USP33: variants seen among roughly 807,000 people sequenced by gnomAD.
The protein encoded by USP33 is ubiquitin carboxyl-terminal hydrolase 33.
A neutral mutation model predicts 124.2 loss-of-function variants in USP33; 46 were observed. That is an observed-to-expected ratio of 0.37 (90% CI 0.29 to 0.47). The LOEUF is 0.47. USP33 is among the 20% of genes least tolerant of loss of function. The pLI, the probability that USP33 is intolerant of heterozygous loss-of-function variation, is 0.99. For synonymous variants in USP33, 350 were observed against 352.3 expected, an observed-to-expected ratio of 0.99 and a Z score of 0.07; for missense variants, 851 against 1,070.6, an observed-to-expected ratio of 0.79 and a Z score of 2.86.
intron 1 of USP33, among the ~76,000 whole-genome samples, chr1:77,743,530 A>G (rs746135285): frequency 3.4e-4 from 52 of 152,192 alleles, no homozygotes; most frequent in Non-Finnish European, 6.2e-4. Context: ...ACTGGAGTAC[A>G]ATGGGGCAAA....
Position 77,729,947 on chromosome 1 carries a change from G to A in USP33, c.639-9C>T, listed in dbSNP as rs375890606. On this transcript the variant is annotated splice_polypyrimidine_tract_variant and intron_variant, in intron 8 of 23. Transcript: ENST00000370794. ...GCACAACAGATCCTGGCCTGAGCAA[G>A]AAAACATTTTTAAAGAGCAATTTTT... 40 of 1,589,512 alleles carry A rather than the reference G, an allele frequency of 2.5e-5. No individual in the cohort carries two copies. In the Admixed American group the frequency reaches 3.3e-4, roughly 13 times the overall value.
intron 1 of USP33, among the ~76,000 whole-genome samples, chr1:77,750,908 T>G (rs1179396146): frequency 3.3e-5 from 5 of 152,184 alleles, no homozygotes; most frequent in Non-Finnish European, 7.4e-5. Flanking sequence ...GGTAAGACAA[T>G]GGGAGTTCTT....
chr1:77,715,783 T>A lies in USP33; in HGVS notation c.2004A>T (p.Glu668Asp). Residue 668 changes from glutamate (E) to aspartate (D), a missense_variant, in exon 18 of 24, where the codon GAA (glutamate) becomes GAT (aspartate). By Grantham distance (45) the Glu-to-Asp change is conservative. Coordinates refer to ENST00000370794, the MANE Select transcript of USP33 (RefSeq NM_201624.3). ...AAGCTTCTGCATTTTGTACAGTAGA[T>A]TCTGAAACTTCAGTGACACTCTGAT... ...FDDQSVTEVS[E>D]STVQNAEAYV... 1.2e-6 allele frequency: 2 copies of A among 1,614,074 alleles called. No homozygotes were observed. The highest frequency in any genetic ancestry group is 1.7e-6 in the Non-Finnish European group (2 of 1,179,990).
intron 1 of USP33, among the ~76,000 whole-genome samples, chr1:77,754,570 A>C (rs898725334): frequency 6.6e-6 from 1 of 152,244 alleles, no homozygotes; most frequent in Non-Finnish European, 1.5e-5. Flanking sequence ...TGAGAATAAA[A>C]TCATTCAAAC....
chr1:77,733,713 T>A (rs1490243879), intron 7 of USP33, among the ~76,000 whole-genome samples: 1 of 152,180 alleles, frequency 6.6e-6, no homozygotes, highest in African/African-American at 2.4e-5. Flanking sequence ...CCAGTAAGCA[T>A]AATGCAAATA....
At chr1:77,758,824 G>C (rs1465386589) in intron 1 of USP33, among the ~76,000 whole-genome samples, 1 of 152,142 alleles carries the variant, frequency 6.6e-6, no homozygotes, top group Non-Finnish European at 1.5e-5. Context: ...CCTAGAGATC[G>C]TTACGGTAAA....
intron 9 of USP33, 28 bp from the exon 10 acceptor site, chr1:77,728,740 C>A (rs768777005): frequency 1.3e-5 from 20 of 1,588,262 alleles, no homozygotes; most frequent in Non-Finnish European, 1.7e-5. Flanking sequence ...TAATGTTAAC[C>A]ACTTCATTAC....
At chr1:77,725,413 C>T (rs183727834) in intron 11 of USP33, among the ~76,000 whole-genome samples, 16 of 152,186 alleles carry the variant, frequency 1.1e-4, no homozygotes, top group African/African-American at 3.9e-4. Context: ...AAGCTCTATA[C>T]AAGAAAAAGT....
chr1:77,728,850 A>AT (rs1677461922), intron 9 of USP33, 138 bp from the exon 10 acceptor site: 1 of 911,400 alleles, frequency 1.1e-6, no homozygotes, highest in African/African-American at 1.7e-5. Context: ...TTTGGAGAGC[A>AT]TAAGGCACTA....
Position 77,728,536 on chromosome 1 carries a change from T to C in USP33, c.894A>G (p.Arg298=). Residue 298 remains arginine (R), a synonymous_variant, in exon 10 of 24, where the codon AGA becomes AGG. Transcript: ENST00000370794. ...QSCESCSNSD[R]AENENGSRCF... is the part of the protein sequence containing the mutation. ...ATCTAGAGCCATTTTCATTTTCTGCTCTATCACTGTTGCTACAAGATTCAC... is the reference window on the plus strand; with the variant it reads ...ATCTAGAGCCATTTTCATTTTCTGCCCTATCACTGTTGCTACAAGATTCAC... The C allele has an allele frequency of 6.2e-7, 1 of 1,614,176 alleles. No individual in the cohort carries two copies. The highest frequency in any genetic ancestry group is 8.5e-7 in the Non-Finnish European group (1 of 1,180,018).
At chr1:77,740,299 T>C (rs1678972529) in intron 4 of USP33, among the ~76,000 whole-genome samples, 1 of 152,094 alleles carries the variant, frequency 6.6e-6, no homozygotes, top group African/African-American at 2.4e-5. Flanking sequence ...CCACTCTCTC[T>C]TGGGCTTCAA....
In USP33 at chr1:77,711,864, T is replaced by A. The variant is rs376765088; in HGVS notation, c.2298-9A>T. 2 of 1,583,272 alleles carry A rather than the reference T, an allele frequency of 1.3e-6. No individual in the cohort carries two copies. Among genetic ancestry groups the A allele is most frequent in the African/African-American group, 2.7e-5 (2 of 72,844 alleles). On this transcript the variant is annotated splice_polypyrimidine_tract_variant and intron_variant, in intron 20 of 23. Transcript: ENST00000370794. ...CTGGTCCTCCACCATACCTAAAGCA[T>A]GAAAAATTTAAGAATTAATGTTCTA...
chr1:77,697,429 T>C lies in USP33; in HGVS notation c.2624A>G (p.Gln875Arg). ...TTCAGGCCCTCCACCATAAATAGACTGCAGAAAATTCCATGTTTCTTCAGA... is the reference window on the plus strand; with the variant it reads ...TTCAGGCCCTCCACCATAAATAGACCGCAGAAAATTCCATGTTTCTTCAGA... ...QISEETWNFLQSIYGGGPEVI... is the reference protein window; with the variant it reads ...QISEETWNFLRSIYGGGPEVI... Residue 875 changes from glutamine (Q) to arginine (R), a missense_variant, in exon 24 of 24, where the codon CAG becomes CGG. Coordinates refer to ENST00000370794, the MANE Select transcript of USP33 (RefSeq NM_201624.3). 6.2e-7 allele frequency: 1 copy of C among 1,608,724 alleles called. No homozygotes were observed. Among genetic ancestry groups the C allele is most frequent in the Non-Finnish European group, 8.5e-7 (1 of 1,178,806 alleles).
chr1:77,723,554 A>G, intron 11 of USP33, 111 bp from the exon 12 acceptor site: 1 of 675,904 alleles, frequency 1.5e-6, no homozygotes, highest in Non-Finnish European at 2.4e-6. Flanking sequence ...AGAATCCTTA[A>G]ACTGTAAAAA....
At chr1:77,721,729 C>G (rs1047771137) in intron 14 of USP33, 102 bp downstream of exon 14, 3 of 1,017,824 alleles carry the variant, frequency 2.9e-6, no homozygotes, top group Admixed American at 6.0e-5. Context: ...TACTATTAAG[C>G]TGTCTTAAAA....
rs1274702028 is a variant in USP33 at position 77,741,444 on chromosome 1, TA to T, written c.82-16del. 1 of 1,599,994 alleles carries T rather than the reference TA, an allele frequency of 6.3e-7. No homozygotes were observed. Among genetic ancestry groups the T allele is most frequent in the East Asian group, 2.2e-5 (1 of 44,614 alleles). The stretch of plus-strand genomic sequence containing the variant: ...TGACAAGTACCCTATAAAAAGAAAT[TA>T]AAAAGACAACATTGGTTATATTGAC... On this transcript the variant is annotated splice_polypyrimidine_tract_variant and intron_variant, in intron 2 of 23. Coordinates refer to ENST00000370794, the MANE Select transcript of USP33 (RefSeq NM_201624.3).
chr1:77,711,702 C>G (rs751684952), intron 21 of USP33, 45 bp downstream of exon 21: 1 of 1,581,000 alleles, frequency 6.3e-7, no homozygotes, highest in Non-Finnish European at 8.5e-7. Context: ...ATTGTCAGGT[C>G]TTCATCTTTA....
At chr1:77,697,998 T>C (rs1673586083) in intron 22 of USP33, 67 bp from the exon 23 acceptor site, 3 of 1,310,366 alleles carry the variant, frequency 2.3e-6, no homozygotes, top group Admixed American at 1.9e-5. Flanking sequence ...AATTTTGTGC[T>C]TGACAAAATT....
intron 1 of USP33, among the ~76,000 whole-genome samples, chr1:77,750,659 A>AGAAG (rs2101602400): frequency 6.6e-6 from 1 of 150,642 alleles, no homozygotes; most frequent in African/African-American, 2.5e-5. Context: ...AAAGAAAGAA[A>AGAAG]GAAAGAAAGA....
Sources: allele counts gnomAD v4.1 joint callset (sites outside exome capture counted in the v4.1 genomes callset), GRCh38; gene constraint gnomAD v4.1.1; transcripts MANE v1.5; gene names NCBI Gene and HGNC (gene_info 2026-07-23, HGNC 2026-07-21).